The following TMEM161B variants were observed in gnomAD, a reference collection of about 807,000 sequenced individuals.
The protein encoded by TMEM161B is transmembrane protein 161B.
A neutral mutation model predicts 61.8 loss-of-function variants in TMEM161B; 34 were observed. The observed-to-expected ratio is 0.55, with a 90% CI of 0.42 to 0.73. The LOEUF (loss-of-function observed/expected upper bound fraction) is 0.73. Ranked by LOEUF, TMEM161B falls within the 30% of genes least tolerant of loss-of-function variation. The probability of loss-of-function intolerance (pLI) is 0.00; values close to 1 mark genes in which losing one functional copy is unlikely to be tolerated. For synonymous variants in TMEM161B, 167 were observed against 192.8 expected (o/e 0.87, Z 1.11); for missense variants, 456 against 558.5 (o/e 0.82, Z 1.85).
chr5:88,203,756 T>TC (rs1744861502), intron 8 of TMEM161B, among the ~76,000 whole-genome samples: 1 of 416 alleles, frequency 2.4e-3, no homozygotes, highest in Non-Finnish European at 7.5e-3. Context: ...CTATCATATA[T>TC]ATATATATAT....
chr5:88,257,918 GATCT>G (rs1191013787), intron 1 of TMEM161B, among the ~76,000 whole-genome samples: 1 of 152,070 alleles, frequency 6.6e-6, no homozygotes, highest in Non-Finnish European at 1.5e-5. Flanking sequence ...TTTTAAAAAA[GATCT>G]ATCTCTCAGA....
intron 11 of TMEM161B, 133 bp downstream of exon 11, chr5:88,197,536 T>C: frequency 1.3e-6 from 1 of 766,680 alleles, no homozygotes; most frequent in Non-Finnish European, 2.1e-6. Flanking sequence ...GCTAAAACTT[T>C]CCCATGGTTC....
At chr5:88,228,184 C>T (rs543028689) in intron 3 of TMEM161B, among the ~76,000 whole-genome samples, 5 of 152,232 alleles carry the variant, frequency 3.3e-5, no homozygotes, top group Non-Finnish European at 7.4e-5. Context: ...AAGTCTCTCC[C>T]CAGTCAACCC....
chr5:88,263,916 A>C (rs1386922279), intron 1 of TMEM161B, among the ~76,000 whole-genome samples: 5 of 152,200 alleles, frequency 3.3e-5, no homozygotes, highest in Non-Finnish European at 7.3e-5. Context: ...AGAAGAAAAT[A>C]AAGTCAGAGA....
At chr5:88,229,860 A>G (rs1750693129) in intron 2 of TMEM161B, among the ~76,000 whole-genome samples, 1 of 151,690 alleles carries the variant, frequency 6.6e-6, no homozygotes, top group Non-Finnish European at 1.5e-5. Flanking sequence ...TGCTGGGATT[A>G]TAAGCATTAG....
At chr5:88,255,307 A>G (rs1754825756) in intron 1 of TMEM161B, among the ~76,000 whole-genome samples, 1 of 152,178 alleles carries the variant, frequency 6.6e-6, no homozygotes, top group Non-Finnish European at 1.5e-5. Context: ...CCCATAGAGC[A>G]TCTCTGGTAT....
At position 88,230,710 on chromosome 5, in the gene TMEM161B, C is replaced by T. The variant is rs1378778180; in HGVS notation, c.108-2182G>A. Among the ~76,000 whole-genome samples, 3 of 152,266 alleles carry T rather than the reference C, an allele frequency of 2.0e-5. No homozygotes were observed. In the East Asian group the frequency reaches 5.8e-4, roughly 29 times the overall value. ...CCCCTACTTGGCAAACTCTTATCTC[C>T]TATTGTTTACAAGCAGTCTTCTTGT... On this transcript the variant is annotated intron_variant, in intron 2 of 11. Coordinates refer to ENST00000296595, the MANE Select transcript of TMEM161B (RefSeq NM_153354.5).
intron 1 of TMEM161B, among the ~76,000 whole-genome samples, chr5:88,246,072 G>A (rs1753573937): frequency 6.6e-6 from 1 of 151,824 alleles, no homozygotes; most frequent in Non-Finnish European, 1.5e-5. Flanking sequence ...CAGTGTTAAT[G>A]TTTGACTAAA....
chr5:88,268,782 T>G lies in TMEM161B; in HGVS notation c.-59A>C. The G allele has an allele frequency of 6.2e-7, 1 of 1,612,854 alleles. No individual in the cohort carries two copies. The highest frequency in any genetic ancestry group is 8.5e-7 in the Non-Finnish European group (1 of 1,179,370). Reference sequence around the variant, plus strand: ...GGAGTTGCCGGGGCAGTCCCAAACCTCTTACCTCCCGGTCCTTGAGCCGAG... The same window carrying G: ...GGAGTTGCCGGGGCAGTCCCAAACCGCTTACCTCCCGGTCCTTGAGCCGAG... On this transcript the variant is annotated 5_prime_UTR_variant, in exon 1 of 12. Transcript: ENST00000296595.
At position 88,203,775 on chromosome 5, in the gene TMEM161B, AT is replaced by A. The variant is rs1422966758; in HGVS notation, c.801-701del. Among the ~76,000 whole-genome samples the A allele has an allele frequency of 1.3e-3, 11 of 8,570 alleles. 2 individuals carry two copies. Among genetic ancestry groups the A allele is most frequent in the South Asian group, 6.4e-3 (2 of 312 alleles). The allele number at this position is 8,570 out of a possible 152,430, so 5.6% of individuals were successfully genotyped here. A position where few individuals can be genotyped will look rare whatever the true frequency, so the allele number is the denominator to read the frequency against. On this transcript the variant is annotated intron_variant, in intron 8 of 11. Transcript: ENST00000296595. Reference sequence around the variant, plus strand: ...CATATATATATATATATATATATATATATATATATATATATATATATATATA... The same window carrying A: ...CATATATATATATATATATATATATAATATATATATATATATATATATATA...
Position 88,195,223 on chromosome 5 carries a change from T to C in TMEM161B, c.*988A>G, listed in dbSNP as rs183558569. The C allele has an allele frequency of 2.5e-5, 24 of 976,276 alleles. No individual in the cohort carries two copies. The Admixed American group carries it at 1.0e-3, about 43-fold the overall frequency. 60.5% of individuals were successfully genotyped at this position (976,276 alleles called of 1,614,324 possible). A position where few individuals can be genotyped will look rare whatever the true frequency, so the allele number is the denominator to read the frequency against. On this transcript the variant is annotated 3_prime_UTR_variant, in exon 12 of 12. Transcript: ENST00000296595. ...TACTCTGCTGAACTTTCAAAATGTATTTTAATCTCATTCCAAAAAGAAATA... is the reference window on the plus strand; with the variant it reads ...TACTCTGCTGAACTTTCAAAATGTACTTTAATCTCATTCCAAAAAGAAATA...
chr5:88,241,484 G>T (rs1231285283), intron 1 of TMEM161B, among the ~76,000 whole-genome samples: 1 of 151,760 alleles, frequency 6.6e-6, no homozygotes, highest in South Asian at 2.1e-4. Context: ...AGTGGAAAGC[G>T]ATTTCTTCAT....
At chr5:88,224,464 A>G (rs1156598922) in intron 4 of TMEM161B, among the ~76,000 whole-genome samples, 1 of 152,208 alleles carries the variant, frequency 6.6e-6, no homozygotes, top group African/African-American at 2.4e-5. Flanking sequence ...TTGTCATTAT[A>G]TAATTACAAA....
downstream of TMEM161B, among the ~76,000 whole-genome samples, chr5:88,188,700 C>T (rs1269128281): frequency 6.6e-6 from 1 of 152,170 alleles, no homozygotes; most frequent in Admixed American, 6.5e-5. Context: ...CTGGGAGCGT[C>T]AGCAGACTCG....
At chr5:88,220,525 G>T (rs779696503) in intron 5 of TMEM161B, 38 bp downstream of exon 5, 4 of 1,485,122 alleles carry the variant, frequency 2.7e-6, no homozygotes, top group Non-Finnish European at 2.7e-6. Flanking sequence ...GGTGTTATCT[G>T]CAAAATAAAT....
At chr5:88,258,249 A>C (rs1054467918) in intron 1 of TMEM161B, among the ~76,000 whole-genome samples, 1 of 152,210 alleles carries the variant, frequency 6.6e-6, no homozygotes, top group African/African-American at 2.4e-5. Flanking sequence ...ATTATTTCTA[A>C]TTCCAGTTAT....
chr5:88,220,591 A>G lies in TMEM161B; in HGVS notation c.418T>C (p.Trp140Arg), dbSNP rs1298235258. The G allele has an allele frequency of 6.3e-7, 1 of 1,590,786 alleles. No individual in the cohort carries two copies. Among genetic ancestry groups the G allele is most frequent in the Non-Finnish European group, 8.5e-7 (1 of 1,173,458 alleles). Residue 140 changes from tryptophan to arginine, a missense_variant, in exon 5 of 12, where the codon TGG (tryptophan) becomes CGG (arginine). Coordinates refer to ENST00000296595, the MANE Select transcript of TMEM161B (RefSeq NM_153354.5). Reference sequence around the variant, plus strand: ...GCAAAAGACAAAACAAGTAGGCACCAGACTAAGCTGATATTCATTTCCTGT... The same window carrying G: ...GCAAAAGACAAAACAAGTAGGCACCGGACTAAGCTGATATTCATTTCCTGT... ...PTQEMNISLV[W>R]CLLVLSFAIK...
intron 4 of TMEM161B, chr5:88,221,464 A>G (rs1748963827): frequency 1.1e-5 from 3 of 272,326 alleles, no homozygotes; most frequent in Non-Finnish European, 2.2e-5. Flanking sequence ...ACACCATGGC[A>G]CTCCAACCTG....
In TMEM161B at chr5:88,206,014, C is replaced by A. The variant is rs1405606180; in HGVS notation, c.660-60G>T. 7.1e-6 allele frequency: 9 copies of A among 1,266,366 alleles called. No homozygotes were observed. In the East Asian group the frequency reaches 1.8e-4, roughly 25 times the overall value. 78.4% of individuals were successfully genotyped at this position (1,266,366 alleles called of 1,614,324 possible). ...TTTATAATTAGCTTTTGAAGAATTT[C>A]TTTTCTTCTAATCAATTATCTTACA... On this transcript the variant is annotated intron_variant, in intron 7 of 11. Coordinates refer to ENST00000296595, the MANE Select transcript of TMEM161B (RefSeq NM_153354.5).
Sources: allele counts gnomAD v4.1 joint callset (sites outside exome capture counted in the v4.1 genomes callset), GRCh38; gene constraint gnomAD v4.1.1; transcripts MANE v1.5; gene names NCBI Gene and HGNC (gene_info 2026-07-23, HGNC 2026-07-21).